The following CCDC3 variants were observed in gnomAD, a reference collection of about 807,000 sequenced individuals.
CCDC3 encodes coiled-coil domain containing 3, also known as coiled-coil domain-containing protein 3.
In CCDC3, 24 loss-of-function variants were observed where a neutral mutation model predicts 21.4. The observed-to-expected ratio is 1.12, with a 90% CI of 0.81 to 1.58. CCDC3 has a LOEUF of 1.58. CCDC3 is among the 40% of genes most tolerant of loss of function. CCDC3 has a pLI of 0.00. For synonymous variants in CCDC3, 186 were observed against 166.0 expected (o/e 1.12, Z -0.93); for missense variants, 425 against 360.9 (o/e 1.18, Z -1.44).
At chr10:12,972,822 T>TAAGTA (rs1554757495) in intron 2 of CCDC3, among the ~76,000 whole-genome samples, 2 of 150,400 alleles carry the variant, frequency 1.3e-5, no homozygotes, top group Admixed American at 1.3e-4. Context: ...GTCTCAAAAA[T>TAAGTA]AAATAAAATA....
At chr10:12,934,491 G>GT (rs1361293832) in intron 2 of CCDC3, among the ~76,000 whole-genome samples, 1 of 152,232 alleles carries the variant, frequency 6.6e-6, no homozygotes, top group African/African-American at 2.4e-5. Flanking sequence ...TTGGGTTCAA[G>GT]TATGTCTTAC....
chr10:12,969,502 A>G (rs1404125327), intron 2 of CCDC3, among the ~76,000 whole-genome samples: 1 of 151,872 alleles, frequency 6.6e-6, no homozygotes, highest in Non-Finnish European at 1.5e-5. Context: ...AATTTAGTAC[A>G]TAAGATTCAG....
intron 5 of CCDC3, among the ~76,000 whole-genome samples, chr10:13,014,175 C>T (rs926607583): frequency 1.1e-4 from 16 of 148,420 alleles, no homozygotes; most frequent in Non-Finnish European, 1.8e-4. Context: ...GAAAGAAAGC[C>T]GGGCGCAGTG....
In CCDC3 at chr10:12,966,159, C is replaced by A. The variant is rs72478297; in HGVS notation, c.549+32179G>T. 1.5e-4 allele frequency among the ~76,000 whole-genome samples: 13 copies of A among 85,452 alleles called. No individual in the cohort carries two copies. In the East Asian group the frequency reaches 6.2e-3, roughly 41 times the overall value. 56.1% of individuals were successfully genotyped at this position (85,452 alleles called of 152,430 possible). ...GTCAAAGCCCACAAACTCAGTTTCT[C>A]GTTTCTCAACCTTACTCAGTTACCA... On this transcript the variant is annotated intron_variant, in intron 2 of 2. Coordinates refer to ENST00000378825, the MANE Select transcript of CCDC3 (RefSeq NM_031455.4).
At chr10:13,002,445 T>C (rs1442819509), upstream of CCDC3, among the ~76,000 whole-genome samples, 1 of 152,172 alleles carries the variant, frequency 6.6e-6, no homozygotes, top group Non-Finnish European at 1.5e-5. Flanking sequence ...TGGAGTACAG[T>C]GGCTCCATCA....
At chr10:13,027,701 A>T (rs1836241144) in intron 5 of CCDC3, among the ~76,000 whole-genome samples, 1 of 133,506 alleles carries the variant, frequency 7.5e-6, no homozygotes, top group African/African-American at 2.7e-5. Context: ...ATAGAGTGAG[A>T]CTCCAATTCA....
intron 2 of CCDC3, among the ~76,000 whole-genome samples, chr10:12,942,313 T>C (rs747314564): frequency 2.6e-5 from 4 of 152,244 alleles, no homozygotes; most frequent in Admixed American, 2.6e-4. Flanking sequence ...TTGTGGGTTT[T>C]GTATCTGGTA....
chr10:13,023,122 G>A (rs1193324252), intron 5 of CCDC3, among the ~76,000 whole-genome samples: 1 of 151,202 alleles, frequency 6.6e-6, no homozygotes, highest in Non-Finnish European at 1.5e-5. Flanking sequence ...TTTCATGATT[G>A]TACAGCAAAA....
At position 13,019,061 on chromosome 10, in the gene CCDC3, G is replaced by A. The variant is rs980344573; in HGVS notation, c.-1-20549C>T. Among the ~76,000 whole-genome samples the A allele has an allele frequency of 3.3e-3, 504 of 150,676 alleles. 4 individuals are homozygous for A. Among genetic ancestry groups the A allele is most frequent in the Non-Finnish European group, 4.1e-3 (271 of 66,880 alleles). On this transcript the variant is annotated intron_variant, in intron 5 of 6. Transcript: ENST00000378839. Reference sequence around the variant, plus strand: ...ATCCTGGCTAACACGGTGAAACCCCGTCTCTACTAAAAATACAAAAAAATT... The same window carrying A: ...ATCCTGGCTAACACGGTGAAACCCCATCTCTACTAAAAATACAAAAAAATT...
chr10:12,939,338 C>T (rs1051965147), intron 2 of CCDC3, among the ~76,000 whole-genome samples: 2 of 152,182 alleles, frequency 1.3e-5, no homozygotes, highest in African/African-American at 2.4e-5. Flanking sequence ...TTTATAATAA[C>T]TGTTAGTAGA....
intron 2 of CCDC3, among the ~76,000 whole-genome samples, chr10:12,934,804 C>T (rs1056244208): frequency 6.6e-6 from 1 of 151,414 alleles, no homozygotes; most frequent in Non-Finnish European, 1.5e-5. Context: ...TTTCTGCGTC[C>T]CTTTATCTAT....
In CCDC3 at chr10:12,911,899, A is replaced by G. The variant is rs1417022509; in HGVS notation, c.550-13220T>C. Among the ~76,000 whole-genome samples, 5 of 152,134 alleles carry G rather than the reference A, an allele frequency of 3.3e-5. No homozygotes were observed. The East Asian group carries it at 9.6e-4, about 29-fold the overall frequency. ...GATTCTACATTTAAATATTAATAAG[A>G]TCATGCAGTACTGGTGCCTGGCTTA... On this transcript the variant is annotated intron_variant, in intron 2 of 2. Coordinates refer to ENST00000378825, the MANE Select transcript of CCDC3 (RefSeq NM_031455.4).
chr10:12,907,360 T>A (rs1834189016), intron 2 of CCDC3, among the ~76,000 whole-genome samples: 2 of 152,106 alleles, frequency 1.3e-5, no homozygotes, highest in South Asian at 4.2e-4. Flanking sequence ...ATAAAGTTAG[T>A]TTTGCCGGGT....
intron 3 of CCDC3, among the ~76,000 whole-genome samples, chr10:13,092,123 C>T (rs560838035): frequency 2.6e-4 from 40 of 152,276 alleles, no homozygotes; most frequent in Middle Eastern, 3.4e-3. Context: ...AAAGAAAGTT[C>T]GCTTGAGCCA....
chr10:13,015,841 C>T (rs825416), intron 5 of CCDC3, among the ~76,000 whole-genome samples: 1 of 151,636 alleles, frequency 6.6e-6, no homozygotes, highest in East Asian at 1.9e-4. Context: ...TTAATAGGTA[C>T]AAAAACTAGT....
rs1428950547 is a variant in CCDC3 at position 12,940,226 on chromosome 10, ATTGTTT to A, written c.550-41553_550-41548del. On this transcript the variant is annotated intron_variant, in intron 2 of 2. Transcript: ENST00000378825. The stretch of plus-strand genomic sequence containing the variant: ...GGCATCTGGAGAAAGAATCATTGAA[ATTGTTT>A]TTTTTTTTTTTTTTTTTCCCTGAAC... Among the ~76,000 whole-genome samples the A allele has an allele frequency of 1.3e-4, 14 of 107,082 alleles. No individual in the cohort carries two copies. The East Asian group carries it at 2.0e-3, about 15-fold the overall frequency. 70.2% of individuals were successfully genotyped at this position (107,082 alleles called of 152,430 possible).
intron 2 of CCDC3, among the ~76,000 whole-genome samples, chr10:12,948,793 C>CG (rs1228114848): frequency 9.0e-5 from 11 of 121,640 alleles, no homozygotes; most frequent in African/African-American, 3.5e-4. Context: ...ACTGCAGTGG[C>CG]CTATCTCGGC....
intron 2 of CCDC3, among the ~76,000 whole-genome samples, chr10:12,908,612 CTTTTTTTT>C (rs764071462): frequency 7.2e-6 from 1 of 139,330 alleles, no homozygotes; most frequent in Non-Finnish European, 1.5e-5. Flanking sequence ...TGTGATTTTT[CTTTTTTTT>C]TTTTTTTGAG....
chr10:12,968,645 A>G (rs1835296242), intron 2 of CCDC3, among the ~76,000 whole-genome samples: 1 of 152,232 alleles, frequency 6.6e-6, no homozygotes, highest in Non-Finnish European at 1.5e-5. Context: ...AGGTTAAAAG[A>G]TGAAACTATT....
Sources: allele counts gnomAD v4.1 joint callset (sites outside exome capture counted in the v4.1 genomes callset), GRCh38; gene constraint gnomAD v4.1.1; transcripts MANE v1.5; gene names NCBI Gene and HGNC (gene_info 2026-07-23, HGNC 2026-07-21).